The following ZNF676 variants were observed in gnomAD, a reference collection of about 807,000 sequenced individuals.
ZNF676 encodes the protein zinc finger protein 676.
In ZNF676, 4 loss-of-function variants were observed where a neutral mutation model predicts 6.0. The observed-to-expected ratio is 0.67, with a 90% confidence interval of 0.33 to 1.53. ZNF676 has a LOEUF of 1.53. Among genes scored for constraint, ZNF676 ranks in the 40% most tolerant of loss-of-function variants. The pLI is 0.06. For synonymous variants in ZNF676, 198 were observed against 223.1 expected (o/e 0.89, Z 1.00); for missense variants, 644 against 679.7 (o/e 0.95, Z 0.58).
chr19:22,218,329 C>CT (rs556997279), upstream of ZNF676, among the ~76,000 whole-genome samples: 2 of 150,692 alleles, frequency 1.3e-5, no homozygotes, highest in Non-Finnish European at 3.0e-5. Flanking sequence ...GATGAAGATA[C>CT]TTTTTTTTTA....
the ZNF676 span, among the ~76,000 whole-genome samples, chr19:22,240,356 C>T: frequency 1.3e-5 from 2 of 151,846 alleles, no homozygotes; most frequent in East Asian, 3.9e-4. Flanking sequence ...ATAGGCAAAG[C>T]CCAGGTAACA....
chr19:22,239,197 A>ATTTT, the ZNF676 span, among the ~76,000 whole-genome samples: 15 of 130,090 alleles, frequency 1.2e-4, no homozygotes, highest in African/African-American at 3.8e-4. Flanking sequence ...CCAACTGTGA[A>ATTTT]TTTTTTTTTT....
intron 1 of ZNF676, among the ~76,000 whole-genome samples, chr19:22,212,081 T>G (rs1238858626): frequency 6.6e-6 from 1 of 151,070 alleles, no homozygotes; most frequent in African/African-American, 2.4e-5. Flanking sequence ...GTGCCTGTAG[T>G]CCCAGCTACT....
At chr19:22,229,282 G>A in the ZNF676 span, among the ~76,000 whole-genome samples, 3 of 152,242 alleles carry the variant, frequency 2.0e-5, no homozygotes, top group East Asian at 5.8e-4. Flanking sequence ...ATGGTGTTGG[G>A]AAAACTGGCT....
chr19:22,204,041 T>A (rs1285867138), intron 1 of ZNF676: 1 of 152,212 alleles, frequency 6.6e-6, no homozygotes, highest in Non-Finnish European at 1.5e-5. Context: ...GTTAATATAG[T>A]AGAATATATT....
the ZNF676 span, among the ~76,000 whole-genome samples, chr19:22,249,571 C>T: frequency 0.63 from 95,046 of 151,592 alleles, 30,636 homozygotes; most frequent in Non-Finnish European, 0.7. Flanking sequence ...TGCCACCATG[C>T]CCAGCTAATT....
intron 1 of ZNF676, among the ~76,000 whole-genome samples, chr19:22,195,736 T>C (rs1011775106): frequency 1.3e-5 from 2 of 152,176 alleles, no homozygotes; most frequent in Non-Finnish European, 2.9e-5. Context: ...ATCACACTCA[T>C]ATATGTGTAA....
the ZNF676 span, among the ~76,000 whole-genome samples, chr19:22,235,018 AAG>A: frequency 2.7e-5 from 2 of 74,684 alleles, no homozygotes; most frequent in Non-Finnish European, 5.5e-5. Context: ...GAAAGAAAGA[AAG>A]AAAGAAAGAA....
chr19:22,187,549 C>A (rs1033694613), intron 2 of ZNF676, among the ~76,000 whole-genome samples: 1 of 151,192 alleles, frequency 6.6e-6, no homozygotes, highest in African/African-American at 2.4e-5. Context: ...ACACAAAAAA[C>A]CCTTCAAAAA....
At chr19:22,199,915 A>G (rs1449137559), upstream of ZNF676, among the ~76,000 whole-genome samples, 5 of 152,170 alleles carry the variant, frequency 3.3e-5, no homozygotes, top group African/African-American at 4.8e-5. Flanking sequence ...TAAGTCTCAG[A>G]AAATGTTGAA....
chr19:22,221,856 A>C, the ZNF676 span, among the ~76,000 whole-genome samples: 37 of 152,254 alleles, frequency 2.4e-4, no homozygotes, highest in South Asian at 7.5e-3. Flanking sequence ...GTTGGGTAGA[A>C]TATTCTGTAA....
At chr19:22,202,250 A>C (rs2024033680) in intron 1 of ZNF676, among the ~76,000 whole-genome samples, 1 of 141,398 alleles carries the variant, frequency 7.1e-6, no homozygotes, top group South Asian at 2.3e-4. Flanking sequence ...ATGGTCACTG[A>C]ATCAGTTTCA....
chr19:22,234,307 G>A, the ZNF676 span, among the ~76,000 whole-genome samples: 1 of 152,206 alleles, frequency 6.6e-6, no homozygotes, highest in African/African-American at 2.4e-5. Flanking sequence ...GGTCATCAGT[G>A]CAGGCTGGGG....
upstream of ZNF676, among the ~76,000 whole-genome samples, chr19:22,218,357 C>A (rs1435140945): frequency 6.6e-6 from 1 of 151,854 alleles, no homozygotes; most frequent in Non-Finnish European, 1.5e-5. Context: ...TTTTTTGAGA[C>A]GGAGTCTCGC....
chr19:22,259,215 C>T, the ZNF676 span, among the ~76,000 whole-genome samples: 21,375 of 152,010 alleles, frequency 0.14, 1,888 homozygotes, highest in Non-Finnish European at 0.2. Flanking sequence ...TGAAAGAGTC[C>T]CATTATCTAG....
exon 1 of ZNF676, chr19:22,215,731 G>A (rs956909988): frequency 4.2e-5 from 63 of 1,491,882 alleles, no homozygotes; most frequent in Non-Finnish European, 5.3e-5. Flanking sequence ...GAACAGTAAG[G>A]ACAAGGCCTT....
rs201289348 is a variant in ZNF676, at chr19:22,180,405, C to G, written c.1312G>C (p.Glu438Gln). 6.2e-7 allele frequency: 1 copy of G among 1,608,134 alleles called. No homozygotes were observed. The highest frequency in any genetic ancestry group is 1.7e-5 in the Admixed American group (1 of 59,422). Residue 438 changes from glutamate (E) to glutamine (Q), a missense_variant, in exon 3 of 3, where the codon GAA becomes CAA. Glu to Gln is a conservative substitution (Grantham distance 29). Around this residue, in one of 5 missense-constraint regions of ZNF676, gnomAD observed 306 missense variants for 265.4 expected, o/e 1.15. Coordinates refer to ENST00000397121, the MANE Select transcript of ZNF676 (RefSeq NM_001001411.3). ...KAFSWSSSLT[E>Q]HKRIHAGEKP... ...TCTCCAGCATGAATTCTCTTGTGTT[C>G]AGTAAGGCTTGAGGACCAGCTGAAG...
At chr19:22,209,753 C>T (rs1325521574) in intron 1 of ZNF676, among the ~76,000 whole-genome samples, 2 of 152,286 alleles carry the variant, frequency 1.3e-5, no homozygotes, top group South Asian at 2.1e-4. Context: ...TACTCTGATT[C>T]ATTTCTGGGT....
At chr19:22,252,431 G>GAAA in the ZNF676 span, among the ~76,000 whole-genome samples, 1 of 133,092 alleles carries the variant, frequency 7.5e-6, no homozygotes, top group East Asian at 2.3e-4. Context: ...AAGAAAGAAA[G>GAAA]AAAAGAAAAA....
Sources: gnomAD v4.1 joint callset for allele counts (sites outside exome capture counted in the v4.1 genomes callset) on GRCh38, gnomAD v4.1.1 for gene constraint, gnomAD v4.1.1 regional missense constraint, MANE v1.5 for transcripts, NCBI Gene and HGNC (gene_info 2026-07-23, HGNC 2026-07-21) for gene names.